The following GPC6 variants were observed in gnomAD, a reference collection of about 807,000 sequenced individuals.
GPC6 encodes glypican-6.
In GPC6, 14 loss-of-function variants were observed where a neutral mutation model predicts 55.2. The observed-to-expected ratio is 0.25, with a 90% CI of 0.17 to 0.40. The LOEUF (loss-of-function observed/expected upper bound fraction) is 0.40, where lower values mean the gene tolerates loss of function less well. Among genes scored for constraint, GPC6 ranks in the 10% least tolerant of loss-of-function variants. The pLI is 1.00. For synonymous variants in GPC6, 278 were observed against 259.6 expected, an observed-to-expected ratio of 1.07 and a Z score of -0.68; for missense variants, 641 against 708.5, an observed-to-expected ratio of 0.90 and a Z score of 1.08.
rs548127144 is a variant in GPC6 at position 93,870,452 on chromosome 13, G to T, written c.711+39907G>T. ...AAATATGCTGGAGAATATAAATTTG[G>T]CTAGTTTTTATTATAGAATAGTCCA... On this transcript the variant is annotated intron_variant, in intron 3 of 8. Transcript: ENST00000377047. Among the ~76,000 whole-genome samples the T allele has an allele frequency of 2.6e-5, 4 of 151,872 alleles. No homozygotes were observed. The South Asian group carries it at 8.3e-4, about 32-fold the overall frequency.
intron 1 of GPC6, among the ~76,000 whole-genome samples, chr13:93,404,340 G>A (rs529704610): frequency 2.6e-5 from 4 of 152,198 alleles, no homozygotes; most frequent in East Asian, 3.9e-4. Context: ...AACTGAAGGC[G>A]TGGAGTGTGG....
intron 6 of GPC6, among the ~76,000 whole-genome samples, chr13:94,350,307 C>T (rs2139167386): frequency 6.6e-6 from 1 of 151,902 alleles, no homozygotes; most frequent in Non-Finnish European, 1.5e-5. Flanking sequence ...CAGTCTGCAC[C>T]CCAGGTGGAC....
At chr13:93,333,791 G>C (rs1271486786) in intron 1 of GPC6, among the ~76,000 whole-genome samples, 1 of 152,076 alleles carries the variant, frequency 6.6e-6, no homozygotes, top group Admixed American at 6.6e-5. Context: ...GCCCACCTCA[G>C]CCGCCCAAAG....
rs1170053615 is a variant in GPC6, at chr13:93,886,754, T to A, written c.711+56209T>A. On this transcript the variant is annotated intron_variant, in intron 3 of 8. Transcript: ENST00000377047. ...TGCCATTTTGAGCATCTGTCATTTT[T>A]TTTTTGTTTTTTTTTTTTTCATATT... Among the ~76,000 whole-genome samples, 3 of 148,370 alleles carry A rather than the reference T, an allele frequency of 2.0e-5. No individual in the cohort carries two copies. In the East Asian group the frequency reaches 6.1e-4, roughly 30 times the overall value.
At chr13:93,913,289 T>G (rs1386923447) in intron 3 of GPC6, among the ~76,000 whole-genome samples, 1 of 152,214 alleles carries the variant, frequency 6.6e-6, no homozygotes, top group Non-Finnish European at 1.5e-5. Flanking sequence ...CGGAAGATGG[T>G]GTTTGTTGAA....
At chr13:93,985,007 G>A (rs1458370699) in intron 3 of GPC6, among the ~76,000 whole-genome samples, 1 of 152,122 alleles carries the variant, frequency 6.6e-6, no homozygotes, top group Non-Finnish European at 1.5e-5. Context: ...AACAGCATGG[G>A]GCTGATGTGG....
intron 4 of GPC6, among the ~76,000 whole-genome samples, chr13:94,043,168 C>G (rs2138742272): frequency 6.6e-6 from 1 of 151,772 alleles, no homozygotes; most frequent in East Asian, 1.9e-4. Flanking sequence ...GTCCTAAAAC[C>G]TACCTGTTCT....
At chr13:94,150,378 A>G (rs1887695528) in intron 4 of GPC6, among the ~76,000 whole-genome samples, 1 of 152,058 alleles carries the variant, frequency 6.6e-6, no homozygotes, top group Non-Finnish European at 1.5e-5. Flanking sequence ...GCTGTCACAA[A>G]TCTGACCATC....
intron 1 of GPC6, among the ~76,000 whole-genome samples, chr13:93,242,510 C>T (rs1876466899): frequency 6.6e-6 from 1 of 152,174 alleles, no homozygotes; most frequent in African/African-American, 2.4e-5. Flanking sequence ...AGACCATCTA[C>T]AGATGCACCC....
intron 1 of GPC6, among the ~76,000 whole-genome samples, chr13:93,286,148 C>G (rs1004911664): frequency 2.6e-5 from 4 of 152,088 alleles, no homozygotes; most frequent in African/African-American, 4.8e-5. Flanking sequence ...AGGAAACTTA[C>G]AACCCTGGCA....
intron 2 of GPC6, among the ~76,000 whole-genome samples, chr13:93,743,659 A>G (rs910165933): frequency 6.6e-6 from 1 of 152,010 alleles, no homozygotes; most frequent in Non-Finnish European, 1.5e-5. Context: ...ATGGCTTCTA[A>G]TATATTTATT....
chr13:93,504,482 G>GTTTTTTT (rs55771607), intron 1 of GPC6, among the ~76,000 whole-genome samples: 2 of 129,970 alleles, frequency 1.5e-5, no homozygotes, highest in African/African-American at 5.7e-5. Context: ...AAACAACATA[G>GTTTTTTT]TTTTTTTTTT....
chr13:93,314,175 AT>A (rs1010544123), intron 1 of GPC6, among the ~76,000 whole-genome samples: 1 of 151,936 alleles, frequency 6.6e-6, no homozygotes. Flanking sequence ...GCATAAAAGA[AT>A]TTTTTTTCCT....
chr13:94,224,423 A>C (rs748001113), intron 4 of GPC6, among the ~76,000 whole-genome samples: 5 of 152,048 alleles, frequency 3.3e-5, no homozygotes, highest in Non-Finnish European at 7.4e-5. Flanking sequence ...CATTTAGTCC[A>C]TCCCTAATAA....
chr13:93,271,582 C>A (rs1402571612), intron 1 of GPC6, among the ~76,000 whole-genome samples: 1 of 152,096 alleles, frequency 6.6e-6, no homozygotes, highest in Non-Finnish European at 1.5e-5. Flanking sequence ...TGGAAAGGGA[C>A]TGTATAAGTA....
chr13:93,384,441 G>C (rs539105438), intron 1 of GPC6, among the ~76,000 whole-genome samples: 96 of 151,310 alleles, frequency 6.3e-4, no homozygotes, highest in African/African-American at 2.3e-3. Flanking sequence ...AATCAGATTA[G>C]TAACGTGATT....
chr13:94,284,712 A>C (rs1301872973), intron 4 of GPC6, among the ~76,000 whole-genome samples: 1 of 152,162 alleles, frequency 6.6e-6, no homozygotes, highest in Non-Finnish European at 1.5e-5. Flanking sequence ...AAGAATTTGA[A>C]TAATTTGTGT....
chr13:94,365,795 G>A (rs1296040987), intron 6 of GPC6, among the ~76,000 whole-genome samples: 1 of 152,144 alleles, frequency 6.6e-6, no homozygotes, highest in Non-Finnish European at 1.5e-5. Context: ...ACCACTCTTG[G>A]GTGAGCAAAA....
chr13:94,269,779 C>T (rs1261841567), intron 4 of GPC6, among the ~76,000 whole-genome samples: 2 of 152,116 alleles, frequency 1.3e-5, no homozygotes, highest in African/African-American at 4.8e-5. Context: ...CCTGATTGAC[C>T]CCAGGTGCTT....
Sources: allele counts gnomAD v4.1 joint callset (sites outside exome capture counted in the v4.1 genomes callset), GRCh38; gene constraint gnomAD v4.1.1; transcripts MANE v1.5; gene names NCBI Gene and HGNC (gene_info 2026-07-23, HGNC 2026-07-21).